Variants in TCERG1 observed in about 807,000 individuals in gnomAD.
The protein encoded by TCERG1 is transcription elongation regulator 1, also known as TATA box binding protein (TBP)-associated factor, RNA polymerase II, S, 150kD.
TCERG1 carries 37 observed loss-of-function variants against 144.7 expected under a neutral mutation model. The ratio of observed to expected loss-of-function variants is 0.26; its 90% CI spans 0.20 to 0.34. The LOEUF (loss-of-function observed/expected upper bound fraction) is 0.34, where lower values mean the gene tolerates loss of function less well. Among genes scored for constraint, TCERG1 ranks in the 10% least tolerant of loss-of-function variants. TCERG1 has a pLI of 1.00. For synonymous variants in TCERG1, 492 were observed against 458.2 expected (o/e 1.07, Z -0.94); for missense variants, 1,027 against 1,380.7 (o/e 0.74, Z 4.06).
At chr5:146,475,550 T>C (rs375511208) in intron 9 of TCERG1, among the ~76,000 whole-genome samples, 2 of 152,208 alleles carry the variant, frequency 1.3e-5, no homozygotes, top group African/African-American at 4.8e-5. Flanking sequence ...AGTGTAAGAT[T>C]GAAAAACTCT....
rs549682445 is a variant in TCERG1 at position 146,487,946 on chromosome 5, A to G, written c.2163+4317A>G. Among the ~76,000 whole-genome samples, 4 of 152,276 alleles carry G rather than the reference A, an allele frequency of 2.6e-5. 1 individual carries two copies. The Middle Eastern group carries it at 0.014, about 518-fold the overall frequency. ...GAATAGGGAACTCAGAAATTAATCC[A>G]TATATCTATAGGCAACTTATTTTGA... On this transcript the variant is annotated intron_variant, in intron 15 of 22. Transcript: ENST00000679501.
At chr5:146,458,839 A>T (rs1233207516) in intron 3 of TCERG1, 45 bp from the exon 4 acceptor site, 1 of 1,555,528 alleles carries the variant, frequency 6.4e-7, no homozygotes, top group Non-Finnish European at 8.7e-7. Flanking sequence ...TTTTAATAAT[A>T]ACTGACAGAT....
At chr5:146,475,381 CT>C (rs1419056440) in intron 9 of TCERG1, among the ~76,000 whole-genome samples, 1 of 151,778 alleles carries the variant, frequency 6.6e-6, no homozygotes, top group African/African-American at 2.4e-5. Flanking sequence ...AATTTTGCCC[CT>C]AGTGGACGTT....
chr5:146,497,437 G>T (rs367751009), intron 16 of TCERG1, among the ~76,000 whole-genome samples: 1 of 152,172 alleles, frequency 6.6e-6, no homozygotes, highest in Non-Finnish European at 1.5e-5. Context: ...ATGAGCCACT[G>T]CACCTGGCCA....
At chr5:146,487,111 A>G (rs1441527642) in intron 15 of TCERG1, among the ~76,000 whole-genome samples, 2 of 152,140 alleles carry the variant, frequency 1.3e-5, no homozygotes, top group African/African-American at 4.8e-5. Context: ...TGCTAAACTG[A>G]TTCAGGAAAA....
At chr5:146,455,023 A>G in intron 1 of TCERG1, 33 bp from the exon 2 acceptor site, 2 of 1,607,040 alleles carry the variant, frequency 1.2e-6, no homozygotes, top group Non-Finnish European at 1.7e-6. Context: ...TAATTTTAAG[A>G]AAGAAAAATT....
At position 146,479,954 on chromosome 5, in the gene TCERG1, T is replaced by C. The variant is rs760699461; in HGVS notation, c.1819+43T>C. Reference sequence around the variant, plus strand: ...AAATTGCAGCTTCTTTTTAATACTATTAAAGCAAGTGTTCTGGTAGTGATT... The same window carrying C: ...AAATTGCAGCTTCTTTTTAATACTACTAAAGCAAGTGTTCTGGTAGTGATT... On this transcript the variant is annotated intron_variant, in intron 11 of 22. Transcript: ENST00000679501. The C allele has an allele frequency of 8.7e-6, 14 of 1,609,018 alleles. No homozygotes were observed. The Middle Eastern group carries it at 5.0e-4, about 57-fold the overall frequency.
Position 146,492,941 on chromosome 5 carries a change from A to G in TCERG1, c.2185A>G (p.Thr729Ala). The stretch of plus-strand genomic sequence containing the variant: ...ATAGGTGTTTGATCAGTATGTAAAG[A>G]CCAGGGCAGAGGAAGAACGCAGGGA... ...RKQVFDQYVKTRAEEERREKK... is the reference protein window; with the variant it reads ...RKQVFDQYVKARAEEERREKK... Residue 729 changes from threonine (T) to alanine (A), a missense_variant, in exon 16 of 23, where the codon ACC (threonine) becomes GCC (alanine). Coordinates refer to ENST00000679501, the MANE Select transcript of TCERG1 (RefSeq NM_001382548.1). 6.2e-7 allele frequency: 1 copy of G among 1,608,636 alleles called. No homozygotes were observed. Among genetic ancestry groups the G allele is most frequent in the East Asian group, 2.2e-5 (1 of 44,470 alleles).
chr5:146,507,059 C>T lies in TCERG1; in HGVS notation c.2813C>T (p.Thr938Ile). ...VRSSDVSWSD[T>I]RRTLRKDHRW... is the part of the protein sequence containing the mutation. ...TCTTCAGATGTGTCATGGTCTGATA[C>T]TCGTAGGACCCTCCGAAAAGATCAC... The change falls in exon 20 of 23, where the codon ACT (threonine) becomes ATT (isoleucine). Residue 938 changes from threonine (T) to isoleucine (I), a missense_variant. Transcript: ENST00000679501. This position sits in a 1 kb window ranked among gnomAD's most constrained non-coding sequence, Gnocchi z 4.6. 1 of 1,609,672 alleles carries T rather than the reference C, an allele frequency of 6.2e-7. No homozygotes were observed. Among genetic ancestry groups the T allele is most frequent in the Non-Finnish European group, 8.5e-7 (1 of 1,178,832 alleles).
chr5:146,501,869 G>GA (rs1342082178), intron 17 of TCERG1, among the ~76,000 whole-genome samples: 1 of 138,578 alleles, frequency 7.2e-6, no homozygotes, highest in Non-Finnish European at 1.6e-5. Flanking sequence ...GTATTTTCCA[G>GA]AAAGAACATC....
chr5:146,498,289 CT>C (rs530530509), intron 16 of TCERG1, among the ~76,000 whole-genome samples: 127 of 145,966 alleles, frequency 8.7e-4, no homozygotes, highest in Middle Eastern at 3.5e-3. Context: ...TGATCTCTTT[CT>C]TTTTTTTTTT....
chr5:146,481,277 G>T, intron 13 of TCERG1, 77 bp downstream of exon 13: 1 of 710,340 alleles, frequency 1.4e-6, no homozygotes, highest in Non-Finnish European at 1.7e-6. Context: ...GTGATAGTTT[G>T]TATTGTGACA....
In TCERG1 at chr5:146,466,333, A is replaced by C. The variant is rs1763788348; in HGVS notation, c.1136-2008A>C. ...GAAATAGTATTGTATGGGTCTAATG[A>C]GGATGATTGAGGAACGGATGGTCAA... On this transcript the variant is annotated intron_variant, in intron 5 of 22. Transcript: ENST00000679501. Among the ~76,000 whole-genome samples, 3 of 152,176 alleles carry C rather than the reference A, an allele frequency of 2.0e-5. No individual in the cohort carries two copies. In the South Asian group the frequency reaches 6.2e-4, roughly 32 times the overall value.
chr5:146,481,919 G>A (rs1228747732), intron 13 of TCERG1: 1 of 152,084 alleles, frequency 6.6e-6, no homozygotes. Flanking sequence ...TTGATGAACA[G>A]TTCTAATTCC....
rs73793183 is a variant in TCERG1, at chr5:146,482,875, C to G, written c.2073+148C>G. On this transcript the variant is annotated intron_variant, in intron 14 of 22. Coordinates refer to ENST00000679501, the MANE Select transcript of TCERG1 (RefSeq NM_001382548.1). ...AATTACTGTACATTTTTTGCAACAGCCTTTTTCTTGGCTAATCTTATCATA... is the reference window on the plus strand; with the variant it reads ...AATTACTGTACATTTTTTGCAACAGGCTTTTTCTTGGCTAATCTTATCATA... 1,251 of 1,131,440 alleles carry G rather than the reference C, an allele frequency of 1.1e-3. 14 individuals carry two copies. In the African/African-American group the frequency reaches 0.018, roughly 17 times the overall value. The allele number at this position is 1,131,440 out of a possible 1,614,324, so 70.1% of individuals were successfully genotyped here. A position where few individuals can be genotyped will look rare whatever the true frequency, so the allele number is the denominator to read the frequency against.
At chr5:146,450,113 A>C (rs917610511) in intron 1 of TCERG1, among the ~76,000 whole-genome samples, 2 of 152,262 alleles carry the variant, frequency 1.3e-5, no homozygotes, top group African/African-American at 4.8e-5. Flanking sequence ...GTGTTGCAAC[A>C]GTATACTAAA....
intron 2 of TCERG1, 57 bp downstream of exon 2, chr5:146,455,338 G>A: frequency 6.3e-7 from 1 of 1,574,940 alleles, no homozygotes. Flanking sequence ...TATTATATAT[G>A]GGTTTTGAGT....
intron 13 of TCERG1, 71 bp from the exon 14 acceptor site, chr5:146,482,520 AT>A (rs1765448539): frequency 6.9e-7 from 1 of 1,449,914 alleles, no homozygotes; most frequent in East Asian, 2.4e-5. Flanking sequence ...AATTCCTTTG[AT>A]TTTAAGATTT....
chr5:146,503,165 C>T, intron 17 of TCERG1: 1 of 330,416 alleles, frequency 3.0e-6, no homozygotes, highest in Non-Finnish European at 5.5e-6. Flanking sequence ...TAGATGAAAG[C>T]CTATATGCTT....
Sources: gnomAD v4.1 joint callset for allele counts (sites outside exome capture counted in the v4.1 genomes callset) on GRCh38, gnomAD v4.1.1 for gene constraint, Gnocchi (gnomAD v3.1) non-coding constraint, MANE v1.5 for transcripts, NCBI Gene and HGNC (gene_info 2026-07-23, HGNC 2026-07-21) for gene names.